Variants in TENT4B observed in about 807,000 individuals in gnomAD.
The protein encoded by TENT4B is terminal nucleotidyltransferase 4B.
A neutral mutation model predicts 75.0 loss-of-function variants in TENT4B; 10 were observed. The observed-to-expected ratio is 0.13, with a 90% confidence interval of 0.08 to 0.23. TENT4B has a LOEUF of 0.23. Among genes scored for constraint, TENT4B ranks in the 10% least tolerant of loss-of-function variants. TENT4B has a pLI of 1.00. For missense variants in TENT4B, 579 were observed against 893.8 expected, an observed-to-expected ratio of 0.65 and a Z score of 4.49; for synonymous variants, 350 against 357.7, an observed-to-expected ratio of 0.98 and a Z score of 0.24.
intron 1 of TENT4B, among the ~76,000 whole-genome samples, chr16:50,160,620 T>G (rs1327354976): frequency 1.3e-5 from 2 of 152,230 alleles, no homozygotes; most frequent in African/African-American, 4.8e-5. Flanking sequence ...AAGGGCTCCG[T>G]TGGTGATACG....
At chr16:50,187,813 C>T (rs775966247) in intron 1 of TENT4B, among the ~76,000 whole-genome samples, 4 of 149,390 alleles carry the variant, frequency 2.7e-5, no homozygotes, top group African/African-American at 7.4e-5. Flanking sequence ...TTCCTTGAGC[C>T]GAGGAGTTTG....
intron 1 of TENT4B, among the ~76,000 whole-genome samples, chr16:50,206,889 T>C (rs2031006760): frequency 1.4e-5 from 2 of 138,942 alleles, no homozygotes; most frequent in African/African-American, 5.5e-5. Context: ...GTAGCAGATC[T>C]TTCCTCAGAA....
rs186764405 is a variant in TENT4B at position 50,233,314 on chromosome 16, A to G, written c.*3986A>G. On this transcript the variant is annotated 3_prime_UTR_variant, in exon 12 of 12. Transcript: ENST00000561678. Reference sequence around the variant, plus strand: ...ACTCTAGCTACCTGCCATCTTGTCAAAACATTTGTGGGTAGAATAAGTGTT... The same window carrying G: ...ACTCTAGCTACCTGCCATCTTGTCAGAACATTTGTGGGTAGAATAAGTGTT... The G allele has an allele frequency of 1.0e-5, 10 of 985,430 alleles. No homozygotes were observed. The highest frequency in any genetic ancestry group is 6.1e-5 in the Admixed American group (1 of 16,284). 61.0% of individuals were successfully genotyped at this position (985,430 alleles called of 1,614,324 possible). A position where few individuals can be genotyped will look rare whatever the true frequency, so the allele number is the denominator to read the frequency against.
chr16:50,198,791 C>T (rs750917883), intron 1 of TENT4B, among the ~76,000 whole-genome samples: 6 of 152,150 alleles, frequency 3.9e-5, no homozygotes, highest in Non-Finnish European at 8.8e-5. Context: ...ATAGATTTTA[C>T]ATGAATTTTA....
intron 1 of TENT4B, among the ~76,000 whole-genome samples, chr16:50,156,645 CATT>C: frequency 6.6e-6 from 1 of 151,440 alleles, no homozygotes; most frequent in Non-Finnish European, 1.5e-5. Flanking sequence ...TGCCCGGCCT[CATT>C]ATCCTGATTT....
chr16:50,175,975 G>T (rs998939442), intron 1 of TENT4B, among the ~76,000 whole-genome samples: 1 of 151,944 alleles, frequency 6.6e-6, no homozygotes, highest in Non-Finnish European at 1.5e-5. Context: ...TAGAGACAGG[G>T]TTTTACCATG....
chr16:50,187,863 A>G (rs568879143), intron 1 of TENT4B, among the ~76,000 whole-genome samples: 1 of 152,128 alleles, frequency 6.6e-6, no homozygotes, highest in African/African-American at 2.4e-5. Flanking sequence ...CCCCATCTCT[A>G]TATTTTAAAA....
Position 50,166,891 on chromosome 16 carries a change from A to G in TENT4B, c.638+12632A>G, listed in dbSNP as rs1194154870. ...GCAATCCGCCCATCTCAGCTTCCCA[A>G]AGTGCTGGAATTAGAGGCATGAGCC... On this transcript the variant is annotated intron_variant, in intron 1 of 11. Transcript: ENST00000561678. Among the ~76,000 whole-genome samples the G allele has an allele frequency of 3.3e-5, 5 of 151,558 alleles. No individual in the cohort carries two copies. In the East Asian group the frequency reaches 7.7e-4, roughly 23 times the overall value.
Position 50,153,914 on chromosome 16 carries a change from C to G in TENT4B, c.293C>G (p.Ala98Gly). ...ERLLGSHALP[A>G]EQRDFLPLET... ...CTGCTGGGCAGCCACGCGCTGCCCG[C>G]GGAGCAGCGGGACTTCCTGCCCCTA... The change falls in exon 1 of 12, where the codon GCG becomes GGG. Residue 98 changes from alanine (A) to glycine (G), a missense_variant. Ala to Gly is a moderately conservative substitution (Grantham distance 60). This residue lies in a region of TENT4B where 253 missense variants were observed against 270.1 expected (regional missense o/e 0.94). Coordinates refer to ENST00000561678, the MANE Select transcript of TENT4B (RefSeq NM_001365324.3). 6.5e-7 allele frequency: 1 copy of G among 1,526,902 alleles called. No individual in the cohort carries two copies. The highest frequency in any genetic ancestry group is 8.7e-7 in the Non-Finnish European group (1 of 1,143,724). The allele number at this position is 1,526,902 out of a possible 1,614,324, so 94.6% of individuals were successfully genotyped here.
At position 50,233,040 on chromosome 16, in the gene TENT4B, G is replaced by A. The variant is rs998554158; in HGVS notation, c.*3712G>A. ...GTTCTCCTAGTTCATTAAACTTTCA[G>A]TTATTGGAAAGGCACATTCTCAAAG... is the stretch of plus-strand genomic sequence containing the variant. On this transcript the variant is annotated 3_prime_UTR_variant, in exon 12 of 12. Coordinates refer to ENST00000561678, the MANE Select transcript of TENT4B (RefSeq NM_001365324.3). The A allele has an allele frequency of 1.6e-4, 156 of 984,802 alleles. No individual in the cohort carries two copies. The highest frequency in any genetic ancestry group is 1.8e-4 in the Non-Finnish European group (152 of 829,496). The allele number at this position is 984,802 out of a possible 1,614,324, so 61.0% of individuals were successfully genotyped here.
intron 10 of TENT4B, among the ~76,000 whole-genome samples, chr16:50,226,040 C>T (rs558781507): frequency 5.3e-4 from 80 of 151,750 alleles, no homozygotes; most frequent in Non-Finnish European, 9.1e-4. Context: ...TGCTCTGTCA[C>T]CCAGGCTGGA....
intron 1 of TENT4B, among the ~76,000 whole-genome samples, 171 bp from the exon 2 acceptor site, chr16:50,211,152 T>G (rs553787132): frequency 3.7e-4 from 56 of 152,264 alleles, no homozygotes; most frequent in African/African-American, 1.3e-3. Flanking sequence ...TTATTTTGGG[T>G]TTTTTGATTA....
intron 1 of TENT4B, among the ~76,000 whole-genome samples, chr16:50,157,165 T>C (rs1454855317): frequency 6.6e-6 from 1 of 152,212 alleles, no homozygotes; most frequent in Non-Finnish European, 1.5e-5. Context: ...TCTGAACTGA[T>C]AGTCCAGATG....
chr16:50,175,931 C>G (rs2038299309), intron 1 of TENT4B, among the ~76,000 whole-genome samples: 2 of 151,842 alleles, frequency 1.3e-5, no homozygotes, highest in Non-Finnish European at 2.9e-5. Context: ...TACAGGTGAG[C>G]ACCACTCTGA....
chr16:50,181,990 A>G (rs183627138), intron 1 of TENT4B, among the ~76,000 whole-genome samples: 7 of 152,336 alleles, frequency 4.6e-5, no homozygotes, highest in Admixed American at 4.6e-4. Flanking sequence ...GATGCCAGGC[A>G]TGGTGGCTCA....
At chr16:50,198,297 T>C (rs569829572) in intron 1 of TENT4B, among the ~76,000 whole-genome samples, 73 of 151,632 alleles carry the variant, frequency 4.8e-4, no homozygotes, top group African/African-American at 1.6e-3. Context: ...TGAGCTCCTA[T>C]AGTCCCAGCT....
At chr16:50,175,508 T>C (rs535029893) in intron 1 of TENT4B, among the ~76,000 whole-genome samples, 11 of 152,176 alleles carry the variant, frequency 7.2e-5, no homozygotes, top group Non-Finnish European at 1.5e-4. Flanking sequence ...TTTTTTGAGA[T>C]GGAGTCTCGC....
At chr16:50,164,606 CTGT>C (rs1462661055) in intron 1 of TENT4B, among the ~76,000 whole-genome samples, 9 of 152,038 alleles carry the variant, frequency 5.9e-5, no homozygotes, top group Non-Finnish European at 7.4e-5. Context: ...TGCGCCTGGC[CTGT>C]TGTTGTTTAA....
At chr16:50,179,341 A>G (rs1252127538) in intron 1 of TENT4B, among the ~76,000 whole-genome samples, 1 of 152,214 alleles carries the variant, frequency 6.6e-6, no homozygotes, top group African/African-American at 2.4e-5. Context: ...CAGCCTGGGC[A>G]ACAAAGCGCA....
Sources: gnomAD v4.1 joint callset for allele counts (sites outside exome capture counted in the v4.1 genomes callset) on GRCh38, gnomAD v4.1.1 for gene constraint, gnomAD v4.1.1 regional missense constraint, MANE v1.5 for transcripts, NCBI Gene and HGNC (gene_info 2026-07-23, HGNC 2026-07-21) for gene names.